The following WDTC1 variants were observed in gnomAD, a reference collection of about 807,000 sequenced individuals.
WDTC1 encodes WD and tetratricopeptide repeats 1.
A neutral mutation model predicts 76.0 loss-of-function variants in WDTC1; 12 were observed. The ratio of observed to expected loss-of-function variants is 0.16; its 90% CI spans 0.10 to 0.26. WDTC1 has a LOEUF of 0.26. Ranked by LOEUF, WDTC1 falls within the 10% of genes least tolerant of loss-of-function variation. WDTC1 has a pLI of 1.00. For missense variants in WDTC1, 511 were observed against 908.8 expected, an observed-to-expected ratio of 0.56 and a Z score of 5.63; for synonymous variants, 326 against 350.8, an observed-to-expected ratio of 0.93 and a Z score of 0.79.
chr1:27,248,245 T>C (rs2011917179), intron 1 of WDTC1, among the ~76,000 whole-genome samples: 1 of 152,222 alleles, frequency 6.6e-6, no homozygotes, highest in Non-Finnish European at 1.5e-5. Flanking sequence ...TCCACAATGG[T>C]TGAACTAATT....
At chr1:27,254,579 A>T (rs1472644555) in intron 1 of WDTC1, among the ~76,000 whole-genome samples, 1 of 151,878 alleles carries the variant, frequency 6.6e-6, no homozygotes, top group African/African-American at 2.4e-5. Flanking sequence ...TGGGTGACAG[A>T]GTGAGACTCT....
intron 1 of WDTC1, among the ~76,000 whole-genome samples, chr1:27,256,961 AC>A (rs1345953772): frequency 6.6e-6 from 1 of 152,132 alleles, no homozygotes; most frequent in Non-Finnish European, 1.5e-5. Context: ...TCCCGGATTC[AC>A]TGCCATTCTC....
chr1:27,279,850 G>A (rs1337755744), intron 3 of WDTC1, among the ~76,000 whole-genome samples: 4 of 152,182 alleles, frequency 2.6e-5, no homozygotes, highest in Non-Finnish European at 4.4e-5. Flanking sequence ...ACTGGTGTGA[G>A]CCACCATGCC....
At chr1:27,258,409 G>A (rs998264573) in intron 1 of WDTC1, among the ~76,000 whole-genome samples, 15 of 151,622 alleles carry the variant, frequency 9.9e-5, no homozygotes, top group African/African-American at 3.4e-4. Context: ...GCAGGTGCCT[G>A]TAGTCCCAGC....
intron 1 of WDTC1, among the ~76,000 whole-genome samples, chr1:27,248,539 G>C (rs986162274): frequency 2.7e-5 from 4 of 150,912 alleles, no homozygotes; most frequent in Admixed American, 2.0e-4. Context: ...ATAGATGCTG[G>C]ATATTAGACC....
At position 27,292,348 on chromosome 1, in the gene WDTC1, A is replaced by G; in HGVS notation, c.613A>G (p.Ser205Gly). 6.2e-7 allele frequency: 1 copy of G among 1,611,976 alleles called. No homozygotes were observed. The highest frequency in any genetic ancestry group is 8.5e-7 in the Non-Finnish European group (1 of 1,178,896). Residue 205 changes from serine (S) to glycine (G), a missense_variant, in exon 7 of 16, where the codon AGC (serine) becomes GGC (glycine). Coordinates refer to ENST00000319394, the MANE Select transcript of WDTC1 (RefSeq NM_001276252.2). ...QDNNCLAVGA[S>G]GPFVRLYDIR... ...CAACAACTGCCTGGCAGTTGGGGCC[A>G]GCGGGCCCTTCGTGAGGCTCTATGA... is the stretch of plus-strand genomic sequence containing the variant.
chr1:27,273,361 A>C (rs2147948705), intron 3 of WDTC1, among the ~76,000 whole-genome samples: 1 of 151,882 alleles, frequency 6.6e-6, no homozygotes, highest in South Asian at 2.1e-4. Context: ...GGCGCCCGCC[A>C]CCACGCCCGG....
intron 1 of WDTC1, among the ~76,000 whole-genome samples, chr1:27,252,712 T>A (rs1382835203): frequency 1.3e-5 from 2 of 151,662 alleles, no homozygotes; most frequent in East Asian, 2.0e-4. Context: ...GCATGAGAAT[T>A]GCTTGAACCC....
chr1:27,271,042 A>G (rs1287109325), intron 3 of WDTC1, among the ~76,000 whole-genome samples: 2 of 152,080 alleles, frequency 1.3e-5, no homozygotes, highest in Non-Finnish European at 2.9e-5. Context: ...GTAACAAAGG[A>G]GGGAGAATAA....
chr1:27,240,878 G>A lies in WDTC1; in HGVS notation c.-100+5927G>A, dbSNP rs113499736. Among the ~76,000 whole-genome samples, 895 of 151,220 alleles carry A rather than the reference G, an allele frequency of 5.9e-3. 7 individuals are homozygous for A. The highest frequency in any genetic ancestry group is 0.016 in the South Asian group (77 of 4,800). ...TAGTCCCAGCTACTCAGGAGGCTGCGGCAGGAGAATCGCATGAACTCAGAA... is the reference window on the plus strand; with the variant it reads ...TAGTCCCAGCTACTCAGGAGGCTGCAGCAGGAGAATCGCATGAACTCAGAA... On this transcript the variant is annotated intron_variant, in intron 1 of 15. Coordinates refer to ENST00000319394, the MANE Select transcript of WDTC1 (RefSeq NM_001276252.2).
chr1:27,287,797 C>T lies in WDTC1; in HGVS notation c.415C>T (p.Arg139Cys), dbSNP rs1447183038. The T allele has an allele frequency of 1.9e-6, 3 of 1,613,992 alleles. No homozygotes were observed. Among genetic ancestry groups the T allele is most frequent in the Non-Finnish European group, 8.5e-7 (1 of 1,179,954 alleles). Reference protein sequence around the residue: ...MFGDHTNRVKRIATAPMWPNT... With the variant: ...MFGDHTNRVKCIATAPMWPNT... ...TGGAGACCACACAAACCGGGTGAAG[C>T]GCATCGCCACAGCGCCCATGTGGCC... The change falls in exon 6 of 16, where the codon CGC becomes TGC. Residue 139 changes from arginine to cysteine, a missense_variant. By Grantham distance (180) the Arg-to-Cys change is radical. Coordinates refer to ENST00000319394, the MANE Select transcript of WDTC1 (RefSeq NM_001276252.2).
intron 6 of WDTC1, among the ~76,000 whole-genome samples, chr1:27,290,874 G>A (rs995822700): frequency 4.6e-5 from 7 of 152,208 alleles, no homozygotes; most frequent in African/African-American, 1.7e-4. Context: ...CAGACCTGGG[G>A]TCAAATCCTA....
intron 3 of WDTC1, among the ~76,000 whole-genome samples, chr1:27,264,526 T>C (rs6689868): frequency 0.91 from 138,679 of 152,166 alleles, 64,586 homozygotes; most frequent in East Asian, 1. Flanking sequence ...ATAGGCCAGA[T>C]CTTTGGTCCA....
rs1311148093 is a variant in WDTC1 at position 27,308,628 on chromosome 1, C to T, written c.*2245C>T. The T allele has an allele frequency of 6.6e-6, 1 of 152,104 alleles. No individual in the cohort carries two copies. Among genetic ancestry groups the T allele is most frequent in the East Asian group, 1.9e-4 (1 of 5,202 alleles). The allele number at this position is 152,104 out of a possible 1,614,324, so 9.4% of individuals were successfully genotyped here. ...AAAGTTTTACACAATAATATTTACC[C>T]TTGCTACATGCAGTGTACTCTGCTT... is the stretch of plus-strand genomic sequence containing the variant. On this transcript the variant is annotated 3_prime_UTR_variant, in exon 16 of 16. Transcript: ENST00000319394.
chr1:27,306,272 G>A lies in WDTC1; in HGVS notation c.1923G>A (p.Glu641=). 6.2e-7 allele frequency: 1 copy of A among 1,614,152 alleles called. No individual in the cohort carries two copies. Among genetic ancestry groups the A allele is most frequent in the Non-Finnish European group, 8.5e-7 (1 of 1,180,024 alleles). ...NQRRMNADPL[E]VMLLNMGYRI... Reference sequence around the variant, plus strand: ...GGCGCATGAATGCAGACCCGTTGGAGGTGATGCTGCTCAACATGGGCTACC... The same window carrying A: ...GGCGCATGAATGCAGACCCGTTGGAAGTGATGCTGCTCAACATGGGCTACC... The change falls in exon 16 of 16, where the codon GAG becomes GAA. Residue 641 remains glutamate (E), a synonymous_variant. Transcript: ENST00000319394. This position sits in a 1 kb window ranked among gnomAD's most constrained non-coding sequence, Gnocchi z 5.0.
intron 7 of WDTC1, 106 bp from the exon 8 acceptor site, chr1:27,293,916 C>G: frequency 1.9e-6 from 2 of 1,065,014 alleles, no homozygotes; most frequent in Non-Finnish European, 2.8e-6. Context: ...AAAAATACCT[C>G]CTGTATGTCT....
In WDTC1 at chr1:27,306,032, T is replaced by C. The variant is rs1420676276; in HGVS notation, c.1837-154T>C. On this transcript the variant is annotated intron_variant, in intron 15 of 15. Transcript: ENST00000319394. The surrounding 1 kb of genome is among the most constrained non-coding windows in gnomAD (Gnocchi z 5.0). ...CCAACAATATGTAGCCAAGGTTGTG[T>C]GTTCCCCTCCACCATATACACCTCC... Among the ~76,000 whole-genome samples the C allele has an allele frequency of 6.6e-6, 1 of 152,054 alleles. No homozygotes were observed. The highest frequency in any genetic ancestry group is 1.5e-5 in the Non-Finnish European group (1 of 67,984).
intron 1 of WDTC1, among the ~76,000 whole-genome samples, chr1:27,256,261 C>T (rs2012277686): frequency 6.6e-6 from 1 of 152,148 alleles, no homozygotes; most frequent in Admixed American, 6.5e-5. Flanking sequence ...GTGGCCACCC[C>T]TTGCTACACT....
intron 1 of WDTC1, among the ~76,000 whole-genome samples, chr1:27,256,415 C>A (rs771712521): frequency 6.6e-6 from 1 of 152,196 alleles, no homozygotes; most frequent in African/African-American, 2.4e-5. Flanking sequence ...ATCTCAGTCA[C>A]CTCCTTTCTC....
Sources: gnomAD v4.1 joint callset for allele counts (sites outside exome capture counted in the v4.1 genomes callset) on GRCh38, gnomAD v4.1.1 for gene constraint, Gnocchi (gnomAD v3.1) non-coding constraint, MANE v1.5 for transcripts, NCBI Gene and HGNC (gene_info 2026-07-23, HGNC 2026-07-21) for gene names.